The following ZBTB7C variants were observed in gnomAD, a reference collection of about 807,000 sequenced individuals.
ZBTB7C encodes zinc finger and BTB domain containing 7C.
In ZBTB7C, 8 loss-of-function variants were observed where a neutral mutation model predicts 25.7. The ratio of observed to expected loss-of-function variants is 0.31; its 90% CI spans 0.18 to 0.56. The LOEUF (loss-of-function observed/expected upper bound fraction) is 0.56. ZBTB7C is among the 20% of genes least tolerant of loss of function. The probability of loss-of-function intolerance (pLI) is 0.91; values close to 1 mark genes in which losing one functional copy is unlikely to be tolerated. For synonymous variants in ZBTB7C, 394 were observed against 369.0 expected, an observed-to-expected ratio of 1.07 and a Z score of -0.78; for missense variants, 824 against 855.2, an observed-to-expected ratio of 0.96 and a Z score of 0.46.
rs898038381 is a variant in ZBTB7C at position 48,195,531 on chromosome 18, A to G, written c.-78-9536T>C. ...TGGTGAGGCCTCCCCAGCCATGTGG[A>G]ACTGTGAATCCATTAAACCTCTTTT... On this transcript the variant is annotated intron_variant, in intron 2 of 4. Transcript: ENST00000590800. 5.5e-4 allele frequency among the ~76,000 whole-genome samples: 84 copies of G among 152,324 alleles called. 1 individual carries two copies. Among genetic ancestry groups the G allele is most frequent in the Middle Eastern group, 3.4e-3 (1 of 294 alleles).
At chr18:48,198,605 C>T (rs560021758) in intron 2 of ZBTB7C, among the ~76,000 whole-genome samples, 4 of 152,268 alleles carry the variant, frequency 2.6e-5, no homozygotes, top group Admixed American at 1.3e-4. Flanking sequence ...CAACCTCGGG[C>T]GAGCCCTTCC....
intron 2 of ZBTB7C, among the ~76,000 whole-genome samples, chr18:48,328,943 T>C (rs2046286406): frequency 6.6e-6 from 1 of 152,172 alleles, no homozygotes; most frequent in Admixed American, 6.5e-5. Flanking sequence ...GATGAACCAT[T>C]AACCGTAAAT....
At chr18:48,145,549 C>G (rs948399669) in intron 3 of ZBTB7C, among the ~76,000 whole-genome samples, 1 of 152,210 alleles carries the variant, frequency 6.6e-6, no homozygotes, top group Non-Finnish European at 1.5e-5. Context: ...AAAGCTTTTG[C>G]TGTCTTATTG....
chr18:48,323,786 G>A (rs950868001), intron 2 of ZBTB7C, among the ~76,000 whole-genome samples: 12 of 152,102 alleles, frequency 7.9e-5, no homozygotes, highest in Non-Finnish European at 8.8e-5. Flanking sequence ...ACCCTCCAGT[G>A]AAGAGGCAGA....
intron 3 of ZBTB7C, among the ~76,000 whole-genome samples, chr18:48,089,342 C>T (rs1020944522): frequency 3.3e-5 from 5 of 151,732 alleles, no homozygotes; most frequent in Non-Finnish European, 5.9e-5. Context: ...TGGTGGTGGG[C>T]GCCTGTATAA....
intron 1 of ZBTB7C, among the ~76,000 whole-genome samples, chr18:48,387,695 A>G (rs572831547): frequency 6.6e-6 from 1 of 152,246 alleles, no homozygotes; most frequent in Non-Finnish European, 1.5e-5. Context: ...GCATGCACAC[A>G]GCAAGGGCTA....
intron 1 of ZBTB7C, chr18:48,350,409 C>G (rs1419120994): frequency 1.3e-5 from 2 of 152,230 alleles, no homozygotes; most frequent in Non-Finnish European, 2.9e-5. Context: ...CACGGCCAGG[C>G]AAGGTTCCTG....
intron 1 of ZBTB7C, among the ~76,000 whole-genome samples, chr18:48,364,821 A>G (rs2047186607): frequency 6.6e-6 from 1 of 152,196 alleles, no homozygotes; most frequent in Admixed American, 6.5e-5. Flanking sequence ...AGCATACCAT[A>G]TGTAATACAT....
intron 3 of ZBTB7C, among the ~76,000 whole-genome samples, chr18:48,067,961 A>G (rs2037392279): frequency 6.6e-6 from 1 of 151,952 alleles, no homozygotes; most frequent in African/African-American, 2.4e-5. Context: ...AGATTGCACC[A>G]TTGCACTCCG....
intron 3 of ZBTB7C, among the ~76,000 whole-genome samples, chr18:48,132,830 C>T (rs1325765446): frequency 6.6e-6 from 1 of 152,192 alleles, no homozygotes; most frequent in Admixed American, 6.5e-5. Context: ...GTCAGCCAGA[C>T]TCCACAGCCA....
At chr18:48,138,469 G>A (rs991672697) in intron 3 of ZBTB7C, among the ~76,000 whole-genome samples, 1 of 152,164 alleles carries the variant, frequency 6.6e-6, no homozygotes, top group Non-Finnish European at 1.5e-5. Context: ...AATACCCACC[G>A]CTGCAGGCAG....
At chr18:48,135,104 A>AT (rs1407844997) in intron 3 of ZBTB7C, among the ~76,000 whole-genome samples, 7 of 152,012 alleles carry the variant, frequency 4.6e-5, no homozygotes, top group African/African-American at 1.7e-4. Flanking sequence ...ATCTCACTTC[A>AT]TCCAACCCTT....
At chr18:48,187,004 C>G (rs887197117) in intron 2 of ZBTB7C, among the ~76,000 whole-genome samples, 27 of 152,298 alleles carry the variant, frequency 1.8e-4, no homozygotes, top group African/African-American at 6.3e-4. Context: ...ACTGAGCAGC[C>G]TAGCTCGGAA....
rs572712432 is a variant in ZBTB7C, at chr18:48,083,734, T to G, written c.-16-42611A>C. The stretch of plus-strand genomic sequence containing the variant: ...ATCCATTTCAGTGCCCTTAAAAAAA[T>G]GAAATTAAAGAAGTTCCCCTGACTG... On this transcript the variant is annotated intron_variant, in intron 3 of 4. Transcript: ENST00000590800. 24 of 737,314 alleles carry G rather than the reference T, an allele frequency of 3.3e-5. No individual in the cohort carries two copies. In the African/African-American group the frequency reaches 4.4e-4, roughly 14 times the overall value. 45.7% of individuals were successfully genotyped at this position (737,314 alleles called of 1,614,324 possible). A position where few individuals can be genotyped will look rare whatever the true frequency, so the allele number is the denominator to read the frequency against.
chr18:48,202,683 C>T (rs762911577), intron 2 of ZBTB7C, among the ~76,000 whole-genome samples: 2 of 152,024 alleles, frequency 1.3e-5, no homozygotes, highest in Non-Finnish European at 1.5e-5. Context: ...CTCCCCCACC[C>T]CACCCCCGCC....
intron 1 of ZBTB7C, among the ~76,000 whole-genome samples, chr18:48,361,093 A>G (rs567494648): frequency 8.5e-5 from 13 of 152,226 alleles, no homozygotes; most frequent in Middle Eastern, 6.8e-3. Context: ...AAGGTCTGCA[A>G]TGAGCATGGT....
rs753250987 is a variant in ZBTB7C at position 48,029,463 on chromosome 18, C to T, written c.1657G>A (p.Glu553Lys). Reference protein sequence around the residue: ...SLQELERQFEETQMKLFGRAQ... With the variant: ...SLQELERQFEKTQMKLFGRAQ... ...CGCCCGAACAGCTTCATCTGTGTCT[C>T]CTCGAACTGCCGCTCCAGCTCTTGC... Residue 553 changes from glutamate to lysine, a missense_variant, in exon 5 of 5, where the codon GAG (glutamate) becomes AAG (lysine). By Grantham distance (56) the Glu-to-Lys change is moderately conservative. Around this residue, in one of 4 missense-constraint regions of ZBTB7C, gnomAD observed 342 missense variants for 307.0 expected, o/e 1.11. Transcript: ENST00000590800. 1 of 1,597,286 alleles carries T rather than the reference C, an allele frequency of 6.3e-7. No individual in the cohort carries two copies. Among genetic ancestry groups the T allele is most frequent in the Non-Finnish European group, 8.5e-7 (1 of 1,175,478 alleles).
chr18:48,253,823 T>C (rs996593286), intron 2 of ZBTB7C, among the ~76,000 whole-genome samples: 3 of 152,212 alleles, frequency 2.0e-5, no homozygotes, highest in African/African-American at 7.2e-5. Context: ...GAAATACAGT[T>C]ATAATTAAGC....
At chr18:48,389,236 CGTGTGTGTGTG>C (rs1386393773) in intron 1 of ZBTB7C, among the ~76,000 whole-genome samples, 9 of 62,376 alleles carry the variant, frequency 1.4e-4, no homozygotes, top group African/African-American at 6.3e-4. Flanking sequence ...CTCTCTCTCT[CGTGTGTGTGTG>C]TGTGTGTGTG....
Sources: gnomAD v4.1 joint callset for allele counts (sites outside exome capture counted in the v4.1 genomes callset) on GRCh38, gnomAD v4.1.1 for gene constraint, gnomAD v4.1.1 regional missense constraint, MANE v1.5 for transcripts, NCBI Gene and HGNC (gene_info 2026-07-23, HGNC 2026-07-21) for gene names.